The following PACS1 variants were observed in gnomAD, a reference collection of about 807,000 sequenced individuals.
The protein encoded by PACS1 is phosphofurin acidic cluster sorting protein 1.
Under a neutral mutation model 115.0 loss-of-function variants are expected in PACS1, and 24 were observed. That is an observed-to-expected ratio of 0.21 (90% CI 0.15 to 0.29). PACS1 has a LOEUF of 0.29. PACS1 is among the 10% of genes least tolerant of loss of function. The pLI, the probability that PACS1 is intolerant of heterozygous loss-of-function variation, is 1.00. For synonymous variants in PACS1, 453 were observed against 504.5 expected, an observed-to-expected ratio of 0.90 and a Z score of 1.37; for missense variants, 838 against 1,251.2, an observed-to-expected ratio of 0.67 and a Z score of 4.98.
chr11:66,107,299 C>T (rs1249796477), intron 1 of PACS1, among the ~76,000 whole-genome samples: 2 of 152,146 alleles, frequency 1.3e-5, no homozygotes, highest in South Asian at 4.1e-4. Context: ...CATTTTCACT[C>T]CTCCTCAAAG....
chr11:66,233,174 G>T lies in PACS1; in HGVS notation c.1838+108G>T, dbSNP rs2134739674. ...GACCCTCCTGGCCTCATCAGACCAAGAATTTGCAGAGGGGCGTATGTTTAG... is the reference window on the plus strand; with the variant it reads ...GACCCTCCTGGCCTCATCAGACCAATAATTTGCAGAGGGGCGTATGTTTAG... On this transcript the variant is annotated intron_variant, in intron 15 of 23. Transcript: ENST00000320580. The surrounding 1 kb of genome is among the most constrained non-coding windows in gnomAD (Gnocchi z 4.5). The T allele has an allele frequency of 1.3e-6, 1 of 796,342 alleles. No individual in the cohort carries two copies. The allele number at this position is 796,342 out of a possible 1,614,324, so 49.3% of individuals were successfully genotyped here.
intron 21 of PACS1, 70 bp from the exon 22 acceptor site, chr11:66,241,357 A>T: frequency 8.2e-7 from 1 of 1,220,518 alleles, no homozygotes; most frequent in Non-Finnish European, 1.2e-6. Context: ...CATGGCCCCT[A>T]CCCCATCAGG....
chr11:66,080,459 T>C (rs1590730227), intron 1 of PACS1, among the ~76,000 whole-genome samples: 1 of 152,018 alleles, frequency 6.6e-6, no homozygotes, highest in Non-Finnish European at 1.5e-5. Flanking sequence ...GGGCCTCTGG[T>C]AAGGTGACAG....
intron 1 of PACS1, among the ~76,000 whole-genome samples, chr11:66,087,247 G>T (rs1476589496): frequency 3.0e-4 from 43 of 145,286 alleles, no homozygotes; most frequent in Admixed American, 8.9e-4. Context: ...TTTTTTTTTT[G>T]TTTTTTTTTT....
At position 66,235,910 on chromosome 11, in the gene PACS1, C is replaced by G. The variant is rs758713328; in HGVS notation, c.2220C>G (p.Asp740Glu). 35 of 1,613,894 alleles carry G rather than the reference C, an allele frequency of 2.2e-5. No individual in the cohort carries two copies. Among genetic ancestry groups the G allele is most frequent in the Non-Finnish European group, 2.9e-5 (34 of 1,179,760 alleles). Residue 740 changes from aspartate (D) to glutamate (E), a missense_variant, in exon 19 of 24, where the codon GAC (aspartate) becomes GAG (glutamate). Asp to Glu is a conservative substitution (Grantham distance 45). Transcript: ENST00000320580. This position sits in a 1 kb window ranked among gnomAD's most constrained non-coding sequence, Gnocchi z 5.6. ...TGTCTCCCAACAGCCCTGATGAAGA[C>G]TCCTATCAGAAGTTTATTCCCTTCA... The part of the protein sequence containing the change: ...LTCRHKFPDE[D>E]SYQKFIPFIG...
At chr11:66,102,289 C>T (rs916435764) in intron 1 of PACS1, among the ~76,000 whole-genome samples, 3 of 151,976 alleles carry the variant, frequency 2.0e-5, no homozygotes, top group African/African-American at 7.3e-5. Flanking sequence ...AACCACTCTG[C>T]ATCCATCGGA....
At chr11:66,131,142 G>T (rs1179374846) in intron 1 of PACS1, among the ~76,000 whole-genome samples, 1 of 152,144 alleles carries the variant, frequency 6.6e-6, no homozygotes, top group African/African-American at 2.4e-5. Flanking sequence ...ACTTGTACAA[G>T]AGTTTCTCTG....
At chr11:66,134,254 C>CTTTTTCTTT (rs1858780251) in intron 1 of PACS1, among the ~76,000 whole-genome samples, 5 of 75,064 alleles carry the variant, frequency 6.7e-5, no homozygotes, top group East Asian at 4.4e-4. Context: ...TTTTCTTTTT[C>CTTTTTCTTT]TTTTTTTTTT....
chr11:66,187,419 G>A (rs1228520272), intron 1 of PACS1, among the ~76,000 whole-genome samples: 1 of 152,118 alleles, frequency 6.6e-6, no homozygotes, highest in Non-Finnish European at 1.5e-5. Flanking sequence ...CTATCTAGCT[G>A]TAATTTTGTA....
intron 1 of PACS1, among the ~76,000 whole-genome samples, chr11:66,141,264 G>T (rs775419369): frequency 6.6e-6 from 1 of 152,070 alleles, no homozygotes; most frequent in Non-Finnish European, 1.5e-5. Context: ...TATTAACACA[G>T]AACAGATTAA....
At chr11:66,224,478 T>G (rs1357388153) in intron 10 of PACS1, among the ~76,000 whole-genome samples, 1 of 152,230 alleles carries the variant, frequency 6.6e-6, no homozygotes, top group African/African-American at 2.4e-5. Context: ...ATTGACTTAC[T>G]GCACACAGAG....
chr11:66,188,675 A>C (rs1298874140), intron 1 of PACS1, among the ~76,000 whole-genome samples: 1 of 152,234 alleles, frequency 6.6e-6, no homozygotes, highest in Non-Finnish European at 1.5e-5. Context: ...ACAGGGTAGC[A>C]GGAAACCTGG....
At chr11:66,215,815 G>A (rs986796317) in intron 4 of PACS1, among the ~76,000 whole-genome samples, 6 of 151,352 alleles carry the variant, frequency 4.0e-5, no homozygotes, top group Admixed American at 2.0e-4. Flanking sequence ...CAGGAGAATC[G>A]CTTGAACCTG....
At chr11:66,100,219 T>C (rs1013761631) in intron 1 of PACS1, among the ~76,000 whole-genome samples, 1 of 152,160 alleles carries the variant, frequency 6.6e-6, no homozygotes, top group Non-Finnish European at 1.5e-5. Flanking sequence ...TTCAGACTGA[T>C]CTCTTAAATT....
chr11:66,090,194 A>G (rs549641899), intron 1 of PACS1, among the ~76,000 whole-genome samples: 5 of 147,692 alleles, frequency 3.4e-5, no homozygotes, highest in South Asian at 2.2e-4. Context: ...GCTTGACTTG[A>G]CTTGGCTTGG....
At chr11:66,150,126 C>T (rs1448920864) in intron 1 of PACS1, among the ~76,000 whole-genome samples, 1 of 152,152 alleles carries the variant, frequency 6.6e-6, no homozygotes, top group Non-Finnish European at 1.5e-5. Context: ...GTGCTTTGCA[C>T]ATAACAGACC....
chr11:66,137,693 TGGCCATTGTAG>T (rs2134588513), intron 1 of PACS1, among the ~76,000 whole-genome samples: 1 of 152,292 alleles, frequency 6.6e-6, no homozygotes, highest in East Asian at 1.9e-4. Flanking sequence ...ACAATAATAT[TGGCCATTGTAG>T]GGCTGTCCTT....
chr11:66,167,181 G>T (rs1327333821), intron 1 of PACS1, among the ~76,000 whole-genome samples: 1 of 150,072 alleles, frequency 6.7e-6, no homozygotes, highest in Non-Finnish European at 1.5e-5. Context: ...TTATCCATTA[G>T]TGTTTCCTCT....
In PACS1 at chr11:66,235,461, G is replaced by A; in HGVS notation, c.2207+58G>A. ...AGGTTGGGTGGGTTAGAGGAATCTT[G>A]AGTCTTCCTTGCTTTCTCACATTTT... is the stretch of plus-strand genomic sequence containing the variant. On this transcript the variant is annotated intron_variant, in intron 18 of 23. Coordinates refer to ENST00000320580, the MANE Select transcript of PACS1 (RefSeq NM_018026.4). This position sits in a 1 kb window ranked among gnomAD's most constrained non-coding sequence, Gnocchi z 5.6. 2.5e-6 allele frequency: 3 copies of A among 1,205,970 alleles called. No individual in the cohort carries two copies. Among genetic ancestry groups the A allele is most frequent in the Non-Finnish European group, 2.5e-6 (2 of 813,674 alleles). 74.7% of individuals were successfully genotyped at this position (1,205,970 alleles called of 1,614,324 possible). A position where few individuals can be genotyped will look rare whatever the true frequency, so the allele number is the denominator to read the frequency against.
Sources: allele counts gnomAD v4.1 joint callset (sites outside exome capture counted in the v4.1 genomes callset), GRCh38; gene constraint gnomAD v4.1.1; non-coding constraint Gnocchi (gnomAD v3.1); transcripts MANE v1.5; gene names NCBI Gene and HGNC (gene_info 2026-07-23, HGNC 2026-07-21).